The following CNTNAP3 variants were observed in gnomAD, a reference collection of about 807,000 sequenced individuals.
CNTNAP3 encodes contactin associated protein family member 3.
Under a neutral mutation model 92.1 loss-of-function variants are expected in CNTNAP3, and 36 were observed. The ratio of observed to expected loss-of-function variants is 0.39; its 90% CI spans 0.30 to 0.52. The LOEUF is 0.52. Ranked by LOEUF, CNTNAP3 falls within the 20% of genes least tolerant of loss-of-function variation. CNTNAP3 has a pLI of 0.76. For synonymous variants in CNTNAP3, 232 were observed against 422.3 expected, an observed-to-expected ratio of 0.55 and a Z score of 5.53; for missense variants, 534 against 1,069.6, an observed-to-expected ratio of 0.50 and a Z score of 6.98.
rs899729996 is a variant in CNTNAP3, at chr9:39,124,853, A to G, written c.2081-6594T>C. 8.7e-4 allele frequency among the ~76,000 whole-genome samples: 132 copies of G among 152,278 alleles called. 1 individual carries two copies. Among genetic ancestry groups the G allele is most frequent in the African/African-American group, 2.9e-3 (122 of 41,568 alleles). On this transcript the variant is annotated intron_variant, in intron 13 of 23. Transcript: ENST00000297668. ...GAATGATGATCATTAAAAAGTCAGG[A>G]AACAACAGGTGCAGGAGAGGATGTG...
intron 13 of CNTNAP3, among the ~76,000 whole-genome samples, chr9:39,131,414 C>A (rs1024010284): frequency 1.3e-5 from 2 of 152,134 alleles, no homozygotes; most frequent in Non-Finnish European, 2.9e-5. Flanking sequence ...TGAATGCAAC[C>A]AGACCTTTGC....
Position 39,096,428 on chromosome 9 carries a change from A to T in CNTNAP3, c.2995+3483T>A, listed in dbSNP as rs538437233. On this transcript the variant is annotated intron_variant, in intron 18 of 23. Transcript: ENST00000297668. ...TTTTTAATTTTTAGTTTTTATGAAT[A>T]CCTAATAGTTGTACGTTATTTATGG... Among the ~76,000 whole-genome samples, 4 of 152,118 alleles carry T rather than the reference A, an allele frequency of 2.6e-5. No homozygotes were observed. In the East Asian group the frequency reaches 7.7e-4, roughly 29 times the overall value.
At chr9:39,132,105 G>A (rs952193916) in intron 13 of CNTNAP3, among the ~76,000 whole-genome samples, 6 of 152,006 alleles carry the variant, frequency 3.9e-5, no homozygotes, top group African/African-American at 4.8e-5. Flanking sequence ...ACTGCAGCCT[G>A]GACTTCCTGG....
At chr9:39,152,320 T>C (rs1821860070) in intron 9 of CNTNAP3, among the ~76,000 whole-genome samples, 1 of 127,726 alleles carries the variant, frequency 7.8e-6, no homozygotes, top group Admixed American at 7.9e-5. Flanking sequence ...GGCTTCTTTT[T>C]AGCTTATCGA....
intron 12 of CNTNAP3, among the ~76,000 whole-genome samples, chr9:39,138,349 C>G (rs1203400788): frequency 1.3e-5 from 2 of 152,146 alleles, no homozygotes; most frequent in East Asian, 1.9e-4. Context: ...GTGACCTTCA[C>G]AAGAGCTTCT....
At chr9:39,118,934 A>T (rs540187688) in intron 13 of CNTNAP3, among the ~76,000 whole-genome samples, 1 of 152,156 alleles carries the variant, frequency 6.6e-6, no homozygotes, top group South Asian at 2.1e-4. Flanking sequence ...TAAATGATAG[A>T]GTCAGACACT....
intron 14 of CNTNAP3, chr9:39,117,863 G>C (rs1272870325): frequency 1.2e-6 from 1 of 835,106 alleles, no homozygotes; most frequent in Non-Finnish European, 1.7e-6. Context: ...CTTAACAGCT[G>C]TTTCTCTTTT....
intron 17 of CNTNAP3, among the ~76,000 whole-genome samples, chr9:39,101,007 TC>T (rs1188538143): frequency 6.6e-6 from 1 of 150,790 alleles, no homozygotes; most frequent in African/African-American, 2.4e-5. Context: ...CAGTGATTCA[TC>T]CACCGCAATG....
chr9:39,152,592 T>C (rs1821866052), intron 9 of CNTNAP3, among the ~76,000 whole-genome samples: 1 of 141,970 alleles, frequency 7.0e-6, no homozygotes, highest in Admixed American at 6.9e-5. Flanking sequence ...TAATGAATTA[T>C]AGGAATATCA....
chr9:39,116,372 GA>G (rs1352902937), intron 14 of CNTNAP3, among the ~76,000 whole-genome samples: 1 of 151,574 alleles, frequency 6.6e-6, no homozygotes, highest in African/African-American at 2.4e-5. Flanking sequence ...TGGAATGGAG[GA>G]AATGAAAACC....
Position 39,066,547 on chromosome 9 carries a change from T to A in CNTNAP3, c.*7343A>T. Among the ~76,000 whole-genome samples the A allele has an allele frequency of 6.6e-6, 1 of 152,272 alleles. No homozygotes were observed. Among genetic ancestry groups the A allele is most frequent in the Non-Finnish European group, 1.5e-5 (1 of 68,046 alleles). ...TGTTCTCATAGTCCAGGTTTGCTGA[T>A]AATATATTACTTTTAACTTTTCTAT... On this transcript the variant is annotated 3_prime_UTR_variant, in exon 24 of 24. Coordinates refer to ENST00000297668, the MANE Select transcript of CNTNAP3 (RefSeq NM_033655.5).
intron 15 of CNTNAP3, among the ~76,000 whole-genome samples, chr9:39,104,186 T>C (rs1204689700): frequency 6.6e-6 from 1 of 151,762 alleles, no homozygotes; most frequent in East Asian, 1.9e-4. Context: ...AGCAACACAG[T>C]AGGGACAGGG....
At chr9:39,132,137 A>G (rs981673811) in intron 13 of CNTNAP3, among the ~76,000 whole-genome samples, 2 of 152,050 alleles carry the variant, frequency 1.3e-5, no homozygotes, top group African/African-American at 4.8e-5. Flanking sequence ...CCTCCCGCCT[A>G]TATACTATTT....
chr9:39,148,062 A>T (rs1299472992), intron 10 of CNTNAP3, among the ~76,000 whole-genome samples: 1 of 152,110 alleles, frequency 6.6e-6, no homozygotes, highest in Admixed American at 6.5e-5. Context: ...CTGGCTAGTT[A>T]GCTGAGCAAC....
chr9:39,129,787 C>G (rs571149128), intron 13 of CNTNAP3, among the ~76,000 whole-genome samples: 1 of 152,082 alleles, frequency 6.6e-6, no homozygotes, highest in East Asian at 1.9e-4. Context: ...TCAACAGTAA[C>G]AAAACAAATC....
At chr9:39,130,868 G>A (rs1287616814) in intron 13 of CNTNAP3, among the ~76,000 whole-genome samples, 1 of 151,344 alleles carries the variant, frequency 6.6e-6, no homozygotes, top group African/African-American at 2.4e-5. Flanking sequence ...TCAAGATTCC[G>A]GCTGTGATAT....
intron 13 of CNTNAP3, among the ~76,000 whole-genome samples, chr9:39,129,905 A>G (rs1250965800): frequency 1.3e-5 from 2 of 152,216 alleles, no homozygotes; most frequent in Non-Finnish European, 2.9e-5. Flanking sequence ...CATGCTCAAT[A>G]TTATTAGACA....
chr9:39,108,092 C>T (rs148519666), intron 15 of CNTNAP3, among the ~76,000 whole-genome samples: 16 of 152,204 alleles, frequency 1.1e-4, no homozygotes, highest in Non-Finnish European at 1.6e-4. Flanking sequence ...GCTCACAGCA[C>T]AGCATGCAGC....
chr9:39,084,967 C>T (rs968696639), intron 21 of CNTNAP3: 1 of 142,274 alleles, frequency 7.0e-6, no homozygotes, highest in African/African-American at 2.6e-5. Context: ...TTAACACCTT[C>T]AATTCCATGT....
Sources: allele counts gnomAD v4.1 joint callset (sites outside exome capture counted in the v4.1 genomes callset), GRCh38; gene constraint gnomAD v4.1.1; transcripts MANE v1.5; gene names NCBI Gene and HGNC (gene_info 2026-07-23, HGNC 2026-07-21).